The following MGAM variants were observed in gnomAD, a reference collection of about 807,000 sequenced individuals.
MGAM encodes maltase-glucoamylase, also known as alpha-1,4-glucosidase.
In MGAM, 253 loss-of-function variants were observed where a neutral mutation model predicts 358.8. The ratio of observed to expected loss-of-function variants is 0.71; its 90% CI spans 0.64 to 0.78. The LOEUF (loss-of-function observed/expected upper bound fraction) is 0.78. MGAM is among the 30% of genes least tolerant of loss of function. The pLI, the probability that MGAM is intolerant of heterozygous loss-of-function variation, is 0.00. For missense variants in MGAM, 3,080 were observed against 3,432.6 expected (o/e 0.90, Z 2.57); for synonymous variants, 1,105 against 1,227.1 (o/e 0.90, Z 2.08).
intron 70 of MGAM, 26 bp from the exon 71 acceptor site, chr7:142,105,788 A>G: frequency 5.7e-6 from 9 of 1,591,018 alleles, no homozygotes; most frequent in Non-Finnish European, 7.8e-6. Flanking sequence ...CCGGATGCCC[A>G]ATTCTTTTCC....
At chr7:142,041,879 T>C (rs1808616022) in intron 21 of MGAM, among the ~76,000 whole-genome samples, 1 of 84,244 alleles carries the variant, frequency 1.2e-5, no homozygotes, top group Non-Finnish European at 2.2e-5. Flanking sequence ...ATATTATATA[T>C]ATACGTATAA....
Position 142,099,886 on chromosome 7 carries a change from C to T in MGAM, c.7874+149C>T, listed in dbSNP as rs1278498339. 4.7e-6 allele frequency: 6 copies of T among 1,266,112 alleles called. No homozygotes were observed. The African/African-American group carries it at 7.6e-5, about 16-fold the overall frequency. 78.4% of individuals were successfully genotyped at this position (1,266,112 alleles called of 1,614,324 possible). A position where few individuals can be genotyped will look rare whatever the true frequency, so the allele number is the denominator to read the frequency against. On this transcript the variant is annotated intron_variant, in intron 67 of 70. Coordinates refer to ENST00000475668, the MANE Select transcript of MGAM (RefSeq NM_001365693.1). The stretch of plus-strand genomic sequence containing the variant: ...CTTTGTTTGCTTGTTTGTATTTTAA[C>T]CTTTTTCAGACTCTATACTCTTCGA...
At chr7:142,090,081 T>G (rs1272116336) in intron 57 of MGAM, among the ~76,000 whole-genome samples, 2 of 146,186 alleles carry the variant, frequency 1.4e-5, no homozygotes, top group African/African-American at 2.4e-5. Flanking sequence ...TAGGTGATCC[T>G]GAGGCCCAGT....
At chr7:142,009,548 A>G (rs1215489756) in intron 3 of MGAM, among the ~76,000 whole-genome samples, 4 of 152,134 alleles carry the variant, frequency 2.6e-5, no homozygotes, top group African/African-American at 4.8e-5. Context: ...GTCACTGGGT[A>G]TTGGTGCACT....
rs1407844955 is a variant in MGAM, at chr7:142,055,296, A to G, written c.3315-262A>G. Among the ~76,000 whole-genome samples, 5 of 152,162 alleles carry G rather than the reference A, an allele frequency of 3.3e-5. No homozygotes were observed. The East Asian group carries it at 9.6e-4, about 29-fold the overall frequency. On this transcript the variant is annotated intron_variant, in intron 27 of 70. Transcript: ENST00000475668. The stretch of plus-strand genomic sequence containing the variant: ...CTGGTGTGGAGTGGTCCCAGCTGTG[A>G]TGATGAGGGGTGCTTGGATTTGTAT...
At chr7:142,102,812 T>G in intron 69 of MGAM, 133 bp downstream of exon 69, 2 of 906,702 alleles carry the variant, frequency 2.2e-6, no homozygotes, top group Non-Finnish European at 3.4e-6. Flanking sequence ...TCTACTTCTC[T>G]AGACTTCCGG....
intron 24 of MGAM, among the ~76,000 whole-genome samples, chr7:142,051,226 G>A (rs1175165510): frequency 6.6e-6 from 1 of 152,082 alleles, no homozygotes; most frequent in Non-Finnish European, 1.5e-5. Flanking sequence ...ATTGGTATTT[G>A]AAAAAGGCCA....
rs1321303609 is a variant in MGAM, at chr7:142,093,406, C to T, written c.7034-6C>T. The stretch of plus-strand genomic sequence containing the variant: ...GGATTTCACCTCACCAGTTCTTCCT[C>T]CTCAGATTTGGAGTCCAGGGACAGG... On this transcript the variant is annotated splice_region_variant and splice_polypyrimidine_tract_variant and intron_variant, in intron 59 of 70. Coordinates refer to ENST00000475668, the MANE Select transcript of MGAM (RefSeq NM_001365693.1). 3 of 1,533,938 alleles carry T rather than the reference C, an allele frequency of 2.0e-6. 1 individual carries two copies. In the South Asian group the frequency reaches 3.5e-5, roughly 18 times the overall value.
intron 70 of MGAM, among the ~76,000 whole-genome samples, chr7:142,104,387 A>G (rs1189926208): frequency 2.6e-5 from 4 of 152,132 alleles, no homozygotes; most frequent in Non-Finnish European, 4.4e-5. Context: ...TTCATATTAA[A>G]CTGTTTTATT....
chr7:142,042,092 T>C (rs1172059301), intron 21 of MGAM, among the ~76,000 whole-genome samples: 9 of 77,554 alleles, frequency 1.2e-4, no homozygotes, highest in African/African-American at 4.2e-4. Context: ...ATATAACATA[T>C]AATATATACA....
intron 3 of MGAM, among the ~76,000 whole-genome samples, chr7:142,014,363 T>C (rs1805810809): frequency 6.6e-6 from 1 of 152,118 alleles, no homozygotes; most frequent in African/African-American, 2.4e-5. Context: ...GCTTGAAAAA[T>C]AATGACACGT....
intron 2 of MGAM, among the ~76,000 whole-genome samples, chr7:141,987,790 A>G (rs1410095233): frequency 6.6e-6 from 1 of 152,140 alleles, no homozygotes; most frequent in African/African-American, 2.4e-5. Flanking sequence ...TGAAAAAGCC[A>G]TTTTCTGTAT....
intron 44 of MGAM, among the ~76,000 whole-genome samples, chr7:142,073,867 C>T (rs902162477): frequency 5.5e-5 from 8 of 146,126 alleles, no homozygotes; most frequent in South Asian, 2.2e-4. Flanking sequence ...TTGCCTCCAA[C>T]GTAGATGTTA....
At chr7:142,095,069 C>T (rs149167866) in intron 63 of MGAM, among the ~76,000 whole-genome samples, 1 of 152,026 alleles carries the variant, frequency 6.6e-6, no homozygotes, top group East Asian at 1.9e-4. Flanking sequence ...GGGGCTCAAG[C>T]GACTCACCTA....
rs77784146 is a variant in MGAM at position 142,098,758 on chromosome 7, C to A, written c.7750-855C>A. 6.4e-4 allele frequency among the ~76,000 whole-genome samples: 98 copies of A among 152,178 alleles called. 1 individual carries two copies. In the East Asian group the frequency reaches 0.017, roughly 26 times the overall value. On this transcript the variant is annotated intron_variant, in intron 66 of 70. Coordinates refer to ENST00000475668, the MANE Select transcript of MGAM (RefSeq NM_001365693.1). The stretch of plus-strand genomic sequence containing the variant: ...GTCCTGAGTGTGCATGTTGAGTCTC[C>A]CATTCACTAACAGAAGATGTCTTTG...
At chr7:142,096,592 C>T (rs553992800) in intron 65 of MGAM, among the ~76,000 whole-genome samples, 177 bp downstream of exon 65, 2 of 152,184 alleles carry the variant, frequency 1.3e-5, no homozygotes, top group African/African-American at 2.4e-5. Context: ...GCCTCAGCTC[C>T]TTCATCTTTA....
Position 142,052,893 on chromosome 7 carries a change from C to G in MGAM, c.3068C>G (p.Ser1023Cys), listed in dbSNP as rs1478782787. The stretch of plus-strand genomic sequence containing the variant: ...GCCACAGCTGACATCTCCTTAAAGT[C>G]TTCCGTTTATGCCAATGCCTTCCCC... ...HGATADISLK[S>C]SVYANAFPST... is the part of the protein sequence containing the mutation. The change falls in exon 26 of 71, where the codon TCT (serine) becomes TGT (cysteine). Residue 1023 changes from serine to cysteine, a missense_variant. Around this residue, in one of 5 missense-constraint regions of MGAM, gnomAD observed 1,816 missense variants for 1,840.5 expected, o/e 0.99. Coordinates refer to ENST00000475668, the MANE Select transcript of MGAM (RefSeq NM_001365693.1). 6.2e-7 allele frequency: 1 copy of G among 1,613,750 alleles called. No individual in the cohort carries two copies. Among genetic ancestry groups the G allele is most frequent in the African/African-American group, 1.3e-5 (1 of 74,890 alleles).
At position 142,048,395 on chromosome 7, in the gene MGAM, G is replaced by A. The variant is rs527274315; in HGVS notation, c.2587+522G>A. On this transcript the variant is annotated intron_variant, in intron 22 of 70. Transcript: ENST00000475668. ...GATCTCCTAAATTCGTAATCTGCCCGGCTCGGCCCCCCAAAGTGCTGGGAT... is the reference window on the plus strand; with the variant it reads ...GATCTCCTAAATTCGTAATCTGCCCAGCTCGGCCCCCCAAAGTGCTGGGAT... 4.6e-5 allele frequency among the ~76,000 whole-genome samples: 7 copies of A among 151,674 alleles called. No individual in the cohort carries two copies. The South Asian group carries it at 1.0e-3, about 23-fold the overall frequency.
At chr7:142,023,290 C>G (rs1554459720) in intron 7 of MGAM, among the ~76,000 whole-genome samples, 1 of 152,008 alleles carries the variant, frequency 6.6e-6, no homozygotes, top group East Asian at 1.9e-4. Context: ...TCTCAAACTC[C>G]TGGACTCAAG....
Sources: gnomAD v4.1 joint callset for allele counts (sites outside exome capture counted in the v4.1 genomes callset) on GRCh38, gnomAD v4.1.1 for gene constraint, gnomAD v4.1.1 regional missense constraint, MANE v1.5 for transcripts, NCBI Gene and HGNC (gene_info 2026-07-23, HGNC 2026-07-21) for gene names.